Variants in SCML4 observed in about 807,000 individuals in gnomAD.
SCML4 encodes Scm polycomb group protein like 4, also known as sex comb on midleg-like protein 4.
A neutral mutation model predicts 41.1 loss-of-function variants in SCML4; 34 were observed. The observed-to-expected ratio is 0.83, with a 90% CI of 0.63 to 1.10. The LOEUF (loss-of-function observed/expected upper bound fraction) is 1.10. Among genes scored for constraint, SCML4 ranks in the 50% least tolerant of loss-of-function variants. The probability of loss-of-function intolerance (pLI) is 0.00; values close to 1 mark genes in which losing one functional copy is unlikely to be tolerated. For missense variants in SCML4, 522 were observed against 534.1 expected (o/e 0.98, Z 0.22); for synonymous variants, 214 against 220.9 (o/e 0.97, Z 0.28).
At chr6:107,771,954 T>A (rs1371749720) in intron 2 of SCML4, among the ~76,000 whole-genome samples, 2 of 152,218 alleles carry the variant, frequency 1.3e-5, no homozygotes, top group Non-Finnish European at 2.9e-5. Flanking sequence ...TGGTGTAATT[T>A]GCTTTCTCCA....
intron 1 of SCML4, among the ~76,000 whole-genome samples, chr6:107,775,138 G>C (rs1319497603): frequency 6.6e-6 from 1 of 152,228 alleles, no homozygotes; most frequent in Non-Finnish European, 1.5e-5. Flanking sequence ...CCATCAGCCA[G>C]AAGATAATGG....
At chr6:107,813,179 T>G (rs1239841998) in intron 1 of SCML4, among the ~76,000 whole-genome samples, 1 of 150,490 alleles carries the variant, frequency 6.6e-6, no homozygotes, top group Non-Finnish European at 1.5e-5. Flanking sequence ...CCTGGCAACA[T>G]GATGAAACCC....
Position 107,720,996 on chromosome 6 carries a change from A to C in SCML4, c.683-3T>G, listed in dbSNP as rs749105530. 6.2e-7 allele frequency: 1 copy of C among 1,602,626 alleles called. No homozygotes were observed. Among genetic ancestry groups the C allele is most frequent in the Non-Finnish European group, 8.5e-7 (1 of 1,174,712 alleles). On this transcript the variant is annotated splice_polypyrimidine_tract_variant and splice_region_variant and intron_variant, in intron 5 of 7. Transcript: ENST00000369020. ...CTCTTCGGTGGTGACTGTCTTGACT[A>C]AGCAATAAGGCAGTACAGAGAAGCA...
intron 1 of SCML4, among the ~76,000 whole-genome samples, chr6:107,810,251 T>C (rs1378387120): frequency 6.6e-6 from 1 of 152,068 alleles, no homozygotes; most frequent in Non-Finnish European, 1.5e-5. Context: ...CCATACTGGG[T>C]AGGGCCCAGA....
At chr6:107,818,087 A>G (rs1256955341) in intron 1 of SCML4, among the ~76,000 whole-genome samples, 2 of 152,052 alleles carry the variant, frequency 1.3e-5, no homozygotes, top group African/African-American at 4.8e-5. Flanking sequence ...TCTTCCCCCC[A>G]CTGTTTCTAT....
the SCML4 span, among the ~76,000 whole-genome samples, chr6:107,839,517 A>C: frequency 6.6e-6 from 1 of 152,192 alleles, no homozygotes; most frequent in Admixed American, 6.5e-5. Context: ...GCCATTAGAA[A>C]GTAGGGTTGG....
chr6:107,838,452 T>C, the SCML4 span, among the ~76,000 whole-genome samples: 1 of 152,318 alleles, frequency 6.6e-6, no homozygotes, highest in South Asian at 2.1e-4. Flanking sequence ...AGGCGCGTTG[T>C]CAGGCCAGAC....
chr6:107,721,111 C>A, intron 5 of SCML4, 118 bp from the exon 6 acceptor site: 2 of 1,280,650 alleles, frequency 1.6e-6, no homozygotes, highest in South Asian at 1.7e-5. Flanking sequence ...TGTGAGCATG[C>A]AGAGAGGAGA....
In SCML4 at chr6:107,744,926, G is replaced by A. The variant is rs771913383; in HGVS notation, c.682+23C>T. ...GGGACAGGGAGGTGTCCCTGCAGGT[G>A]GGGGAAGCAGGACAAGGCCTACCTG... On this transcript the variant is annotated intron_variant, in intron 5 of 7. Transcript: ENST00000369020. The A allele has an allele frequency of 2.6e-6, 4 of 1,547,454 alleles. No homozygotes were observed. In the Admixed American group the frequency reaches 5.5e-5, roughly 21 times the overall value.
intron 5 of SCML4, among the ~76,000 whole-genome samples, chr6:107,743,387 T>G (rs1485698863): frequency 6.6e-6 from 1 of 152,212 alleles, no homozygotes; most frequent in African/African-American, 2.4e-5. Context: ...TATGCTGCTT[T>G]ATGATGATGT....
At chr6:107,843,596 A>G in the SCML4 span, among the ~76,000 whole-genome samples, 1 of 152,202 alleles carries the variant, frequency 6.6e-6, no homozygotes, top group Admixed American at 6.5e-5. Context: ...CCACATCTTC[A>G]TCAACCTGCC....
intron 3 of SCML4, among the ~76,000 whole-genome samples, chr6:107,747,871 A>G (rs1431538671): frequency 1.3e-5 from 2 of 152,182 alleles, no homozygotes; most frequent in Non-Finnish European, 2.9e-5. Context: ...ACTTCATTCT[A>G]TTCTATGACA....
chr6:107,777,199 C>T (rs1441626821), intron 1 of SCML4, among the ~76,000 whole-genome samples: 1 of 152,122 alleles, frequency 6.6e-6, no homozygotes, highest in East Asian at 1.9e-4. Context: ...CTCGCTGCAA[C>T]CTCCGCTTCC....
In SCML4 at chr6:107,814,875, AC is replaced by A. The variant is rs201393715; in HGVS notation, c.-60+9250del. ...GCCGTACAAAGGTGCTTTCTAAAAT[AC>A]CATATATGTGATAAAAACCTATGCA... On this transcript the variant is annotated intron_variant, in intron 1 of 7. Transcript: ENST00000369020. Among the ~76,000 whole-genome samples, 993 of 152,288 alleles carry A rather than the reference AC, an allele frequency of 6.5e-3. 13 individuals carry two copies. The highest frequency in any genetic ancestry group is 0.023 in the African/African-American group (953 of 41,550).
upstream of SCML4, among the ~76,000 whole-genome samples, chr6:107,829,190 G>A (rs566436130): frequency 6.6e-6 from 1 of 152,078 alleles, no homozygotes; most frequent in East Asian, 1.9e-4. Context: ...GACCAGCCCG[G>A]GCAACATGGG....
chr6:107,721,128 C>T (rs11961282), intron 5 of SCML4, 135 bp from the exon 6 acceptor site: 22,534 of 1,124,900 alleles, frequency 0.02, 358 homozygotes, highest in East Asian at 0.027. Context: ...GAGAAATGAA[C>T]CTCACAACAT....
At chr6:107,713,701 C>T (rs1407519841) in intron 6 of SCML4, among the ~76,000 whole-genome samples, 1 of 152,228 alleles carries the variant, frequency 6.6e-6, no homozygotes, top group South Asian at 2.1e-4. Flanking sequence ...CCCCTGTGTC[C>T]TCAGGCTGCC....
In SCML4 at chr6:107,713,834, A is replaced by T. The variant is rs745406421; in HGVS notation, c.974-5823T>A. Among the ~76,000 whole-genome samples, 34 of 152,154 alleles carry T rather than the reference A, an allele frequency of 2.2e-4. 1 individual carries two copies. The highest frequency in any genetic ancestry group is 4.9e-4 in the Non-Finnish European group (33 of 68,018). ...TCTCCAAGTGACCTGCTCCCACTAGATGCATCCTTTCTAGATACAATGCCA... is the reference window on the plus strand; with the variant it reads ...TCTCCAAGTGACCTGCTCCCACTAGTTGCATCCTTTCTAGATACAATGCCA... On this transcript the variant is annotated intron_variant, in intron 6 of 7. Transcript: ENST00000369020.
chr6:107,840,329 T>G, the SCML4 span, among the ~76,000 whole-genome samples: 113,979 of 151,692 alleles, frequency 0.75, 43,609 homozygotes, highest in East Asian at 0.93. Flanking sequence ...GTAAATGATG[T>G]GACCCACCAG....
Sources: allele counts gnomAD v4.1 joint callset (sites outside exome capture counted in the v4.1 genomes callset), GRCh38; gene constraint gnomAD v4.1.1; transcripts MANE v1.5; gene names NCBI Gene and HGNC (gene_info 2026-07-23, HGNC 2026-07-21).